The following IL4R variants were observed in gnomAD, a reference collection of about 807,000 sequenced individuals.
The protein encoded by IL4R is interleukin-4 receptor subunit alpha.
Under a neutral mutation model 41.5 loss-of-function variants are expected in IL4R, and 17 were observed. That is an observed-to-expected ratio of 0.41 (90% CI 0.28 to 0.61). The LOEUF is 0.61. Among genes scored for constraint, IL4R ranks in the 20% least tolerant of loss-of-function variants. The pLI, the probability that IL4R is intolerant of heterozygous loss-of-function variation, is 0.31. For missense variants in IL4R, 974 were observed against 1,043.1 expected (o/e 0.93, Z 0.91); for synonymous variants, 402 against 422.9 (o/e 0.95, Z 0.61).
Position 27,362,603 on chromosome 16 carries a change from G to A in IL4R, c.1251G>A (p.Glu417=). 6.2e-7 allele frequency: 1 copy of A among 1,614,174 alleles called. No homozygotes were observed. Among genetic ancestry groups the A allele is most frequent in the South Asian group, 1.1e-5 (1 of 91,088 alleles). Residue 417 remains glutamate (E), a synonymous_variant, in exon 11 of 11, where the codon GAG becomes GAA. Transcript: ENST00000395762. Reference sequence around the variant, plus strand: ...GCCTGTTCCTGGACCTGCTCGGAGAGGAGAATGGGGGCTTTTGCCAGCAGG... The same window carrying A: ...GCCTGTTCCTGGACCTGCTCGGAGAAGAGAATGGGGGCTTTTGCCAGCAGG... ...TESLFLDLLG[E]ENGGFCQQDM...
chr16:27,361,306 T>TA (rs2141217796), intron 10 of IL4R, among the ~76,000 whole-genome samples: 1 of 152,096 alleles, frequency 6.6e-6, no homozygotes, highest in African/African-American at 2.4e-5. Flanking sequence ...GCCTGGCTAT[T>TA]TTAAAAGGTT....
rs1419694904 is a variant in IL4R at position 27,362,444 on chromosome 16, G to T, written c.1092G>T (p.Leu364Phe). ...ESISVVRCVE[L>F]FEAPVECEEE... is the part of the protein sequence containing the mutation. ...TCAGCGTGGTGCGATGTGTGGAGTT[G>T]TTTGAGGCCCCGGTGGAGTGTGAGG... Residue 364 changes from leucine (L) to phenylalanine (F), a missense_variant, in exon 11 of 11, where the codon TTG (leucine) becomes TTT (phenylalanine). Physicochemically the swap from Leu to Phe is conservative, Grantham distance 22. Transcript: ENST00000395762. 1.2e-6 allele frequency: 2 copies of T among 1,614,062 alleles called. No individual in the cohort carries two copies. Among genetic ancestry groups the T allele is most frequent in the African/African-American group, 2.7e-5 (2 of 74,928 alleles).
At chr16:27,320,162 C>T (rs754047064) in intron 1 of IL4R, among the ~76,000 whole-genome samples, 4 of 152,150 alleles carry the variant, frequency 2.6e-5, no homozygotes, top group Non-Finnish European at 5.9e-5. Flanking sequence ...CCACTGCACG[C>T]GGCCCTGGGT....
chr16:27,323,257 A>G (rs2084864727), intron 1 of IL4R, among the ~76,000 whole-genome samples: 1 of 152,226 alleles, frequency 6.6e-6, no homozygotes, highest in African/African-American at 2.4e-5. Flanking sequence ...AAATGGTGAC[A>G]AAGGCCAGAT....
intron 6 of IL4R, among the ~76,000 whole-genome samples, chr16:27,349,829 A>G (rs1369443916): frequency 6.6e-6 from 1 of 152,168 alleles, no homozygotes; most frequent in Non-Finnish European, 1.5e-5. Flanking sequence ...GGCTCACTGC[A>G]TCCTTGACTT....
chr16:27,364,149 C>A lies in IL4R; in HGVS notation c.*319C>A. On this transcript the variant is annotated 3_prime_UTR_variant, in exon 11 of 11. Transcript: ENST00000395762. ...TGAACGAGTTGTTGGCTGCTCCCTCCACAGCTTCTGCAGCAGACTGTCCCT... is the reference window on the plus strand; with the variant it reads ...TGAACGAGTTGTTGGCTGCTCCCTCAACAGCTTCTGCAGCAGACTGTCCCT... 3.2e-6 allele frequency: 1 copy of A among 313,992 alleles called. No individual in the cohort carries two copies. The highest frequency in any genetic ancestry group is 5.9e-6 in the Non-Finnish European group (1 of 168,796). The allele number at this position is 313,992 out of a possible 1,614,324, so 19.5% of individuals were successfully genotyped here. A position where few individuals can be genotyped will look rare whatever the true frequency, so the allele number is the denominator to read the frequency against.
intron 8 of IL4R, among the ~76,000 whole-genome samples, chr16:27,356,202 C>A (rs1361017497): frequency 6.7e-6 from 1 of 148,876 alleles, no homozygotes; most frequent in African/African-American, 2.5e-5. Flanking sequence ...AGCAATTCTT[C>A]TGCCTCAGCC....
Position 27,342,109 on chromosome 16 carries a change from G to A in IL4R, c.71-12G>A. The A allele has an allele frequency of 6.2e-7, 1 of 1,613,620 alleles. No individual in the cohort carries two copies. The highest frequency in any genetic ancestry group is 8.5e-7 in the Non-Finnish European group (1 of 1,179,806). Reference sequence around the variant, plus strand: ...TTCCTGGGCCGCTCAGGCTGCTCCTGTGTCTCCCCAGGGAACATGAAGGTC... The same window carrying A: ...TTCCTGGGCCGCTCAGGCTGCTCCTATGTCTCCCCAGGGAACATGAAGGTC... On this transcript the variant is annotated splice_polypyrimidine_tract_variant and intron_variant, in intron 3 of 10. Transcript: ENST00000395762.
chr16:27,363,752 C>A lies in IL4R; in HGVS notation c.2400C>A (p.Gly800=), dbSNP rs186309315. Residue 800 remains glycine (G), a synonymous_variant, in exon 11 of 11, where the codon GGC becomes GGA. Coordinates refer to ENST00000395762, the MANE Select transcript of IL4R (RefSeq NM_000418.4). Reference sequence around the variant, plus strand: ...CATCATCCTTCCATCCTGCCCCTGGCAATGCTCAGAGCTCAAGCCAGACCC... The same window carrying A: ...CATCATCCTTCCATCCTGCCCCTGGAAATGCTCAGAGCTCAAGCCAGACCC... ...KSSSSFHPAP[G]NAQSSSQTPK... 9 of 1,613,060 alleles carry A rather than the reference C, an allele frequency of 5.6e-6. No homozygotes were observed. In the South Asian group the frequency reaches 6.6e-5, roughly 12 times the overall value.
chr16:27,327,022 G>A (rs1428789262), intron 1 of IL4R, among the ~76,000 whole-genome samples: 1 of 152,172 alleles, frequency 6.6e-6, no homozygotes, highest in Admixed American at 6.6e-5. Flanking sequence ...CCAGAAGCCA[G>A]AGGAAGCTCT....
intron 6 of IL4R, among the ~76,000 whole-genome samples, chr16:27,349,279 G>A (rs151042063): frequency 1.2e-3 from 176 of 152,344 alleles, no homozygotes; most frequent in African/African-American, 4.1e-3. Context: ...AGCTGGGCGG[G>A]TGTCCACCTG....
intron 1 of IL4R, among the ~76,000 whole-genome samples, chr16:27,324,549 G>A (rs142418917): frequency 8.5e-5 from 13 of 152,202 alleles, no homozygotes; most frequent in Non-Finnish European, 1.8e-4. Flanking sequence ...GGGGATATGA[G>A]CACCAAACAC....
intron 9 of IL4R, among the ~76,000 whole-genome samples, chr16:27,360,016 T>C (rs1287658866): frequency 6.6e-6 from 1 of 151,692 alleles, no homozygotes; most frequent in Non-Finnish European, 1.5e-5. Context: ...AGTTGGCTTT[T>C]TTTTTTTTTT....
At position 27,362,490 on chromosome 16, in the gene IL4R, G is replaced by GAAAAAGGGA; in HGVS notation, c.1139_1147dup (p.Gly382_Ser383insLysLysGly). ...TGAGGAGGAGGAGGAGGTAGAGGAA[G>GAAAAAGGGA]AAAAAGGGAGCTTCTGTGCATCGCC... On this transcript the variant is annotated inframe_insertion, in exon 11 of 11. Coordinates refer to ENST00000395762, the MANE Select transcript of IL4R (RefSeq NM_000418.4). The GAAAAAGGGA allele has an allele frequency of 6.2e-7, 1 of 1,614,152 alleles. No individual in the cohort carries two copies. Among genetic ancestry groups the GAAAAAGGGA allele is most frequent in the South Asian group, 1.1e-5 (1 of 91,088 alleles).
chr16:27,340,152 G>C, intron 2 of IL4R, 34 bp from the exon 3 acceptor site: 1 of 1,446,300 alleles, frequency 6.9e-7, no homozygotes, highest in Non-Finnish European at 9.7e-7. Flanking sequence ...TGGAAGCACA[G>C]GTCAGCACTA....
At chr16:27,320,204 G>A (rs2084774335) in intron 1 of IL4R, among the ~76,000 whole-genome samples, 1 of 152,186 alleles carries the variant, frequency 6.6e-6, no homozygotes, top group Admixed American at 6.5e-5. Flanking sequence ...AATGCCTGAT[G>A]ATCTGTCACT....
chr16:27,320,653 C>G (rs6498012), intron 1 of IL4R, among the ~76,000 whole-genome samples: 95,664 of 152,136 alleles, frequency 0.63, 30,452 homozygotes, highest in African/African-American at 0.7. Flanking sequence ...TACATTTCTT[C>G]GTTGGAAATC....
chr16:27,350,003 A>G (rs965030241), intron 6 of IL4R, among the ~76,000 whole-genome samples: 1 of 152,180 alleles, frequency 6.6e-6, no homozygotes, highest in Admixed American at 6.5e-5. Context: ...CCCCTGGCTC[A>G]GCCTCCCAAG....
chr16:27,343,934 G>C (rs1286906752), intron 4 of IL4R, among the ~76,000 whole-genome samples: 3 of 152,084 alleles, frequency 2.0e-5, no homozygotes, highest in African/African-American at 7.2e-5. Flanking sequence ...TTGGGTGACG[G>C]ACCCACCAGA....
Sources: allele counts gnomAD v4.1 joint callset (sites outside exome capture counted in the v4.1 genomes callset), GRCh38; gene constraint gnomAD v4.1.1; transcripts MANE v1.5; gene names NCBI Gene and HGNC (gene_info 2026-07-23, HGNC 2026-07-21).